The following ZCCHC7 variants were observed in gnomAD, a reference collection of about 807,000 sequenced individuals.
ZCCHC7 encodes the protein zinc finger CCHC-type containing 7, also known as zinc finger CCHC domain-containing protein 7.
Under a neutral mutation model 52.0 loss-of-function variants are expected in ZCCHC7, and 35 were observed. The ratio of observed to expected loss-of-function variants is 0.67; its 90% confidence interval spans 0.51 to 0.89. The LOEUF is 0.89. Among genes scored for constraint, ZCCHC7 ranks in the 40% least tolerant of loss-of-function variants. The pLI is 0.00. For synonymous variants in ZCCHC7, 217 were observed against 221.5 expected (o/e 0.98, Z 0.18); for missense variants, 574 against 649.1 (o/e 0.88, Z 1.26).
intron 2 of ZCCHC7, among the ~76,000 whole-genome samples, chr9:37,199,513 A>C (rs1442247086): frequency 6.6e-6 from 1 of 151,066 alleles, no homozygotes; most frequent in East Asian, 1.9e-4. Context: ...TTGTAATTTT[A>C]CTAGACACAG....
chr9:37,293,477 T>G (rs1428929631), intron 2 of ZCCHC7, among the ~76,000 whole-genome samples: 2 of 152,166 alleles, frequency 1.3e-5, no homozygotes, highest in Non-Finnish European at 2.9e-5. Flanking sequence ...AAAAGTAGCT[T>G]CTTGATTAGA....
intron 2 of ZCCHC7, among the ~76,000 whole-genome samples, chr9:37,146,681 C>T (rs758957378): frequency 1.3e-5 from 2 of 151,756 alleles, no homozygotes; most frequent in South Asian, 4.1e-4. Context: ...TTTTGCTGCT[C>T]AACATTTTCT....
chr9:37,298,102 A>G (rs190821320), intron 2 of ZCCHC7, among the ~76,000 whole-genome samples: 2 of 152,364 alleles, frequency 1.3e-5, no homozygotes, highest in Admixed American at 6.5e-5. Context: ...AGCATAATGG[A>G]CAGGGTTGCT....
rs532381846 is a variant in ZCCHC7 at position 37,225,439 on chromosome 9, A to AT, written c.611-76745dup. 6.6e-4 allele frequency among the ~76,000 whole-genome samples: 101 copies of AT among 152,282 alleles called. 1 individual carries two copies. Among genetic ancestry groups the AT allele is most frequent in the African/African-American group, 2.3e-3 (96 of 41,564 alleles). On this transcript the variant is annotated intron_variant, in intron 2 of 8. Transcript: ENST00000336755. Reference sequence around the variant, plus strand: ...TATATAAGGTAACACTTCCAAACTAATTTTATAAGATTTGTATTACTATTA... The same window carrying AT: ...TATATAAGGTAACACTTCCAAACTAATTTTTATAAGATTTGTATTACTATTA...
intron 2 of ZCCHC7, among the ~76,000 whole-genome samples, chr9:37,182,671 G>A (rs1410914829): frequency 6.6e-6 from 1 of 152,142 alleles, no homozygotes; most frequent in African/African-American, 2.4e-5. Flanking sequence ...TGGCCCAGTC[G>A]TAGTGATTTC....
intron 2 of ZCCHC7, among the ~76,000 whole-genome samples, chr9:37,278,079 C>T (rs1003805115): frequency 2.4e-5 from 2 of 83,320 alleles, no homozygotes; most frequent in South Asian, 7.7e-4. Flanking sequence ...GCAGGAGTCT[C>T]ACTGTGTCAC....
intron 5 of ZCCHC7, among the ~76,000 whole-genome samples, chr9:37,322,068 G>C (rs1019603547): frequency 6.6e-6 from 1 of 152,134 alleles, no homozygotes; most frequent in Non-Finnish European, 1.5e-5. Flanking sequence ...TGGGATATCT[G>C]AGTGAGCTGA....
chr9:37,210,452 A>T (rs1226266123), intron 2 of ZCCHC7, among the ~76,000 whole-genome samples: 1 of 152,122 alleles, frequency 6.6e-6, no homozygotes, highest in Non-Finnish European at 1.5e-5. Flanking sequence ...TATATTACTG[A>T]TCTTTTTCAT....
intron 2 of ZCCHC7, among the ~76,000 whole-genome samples, chr9:37,217,996 T>C (rs1463848928): frequency 1.3e-5 from 2 of 152,232 alleles, no homozygotes; most frequent in East Asian, 3.8e-4. Context: ...TGTCATTAAT[T>C]CTTTAGACTT....
chr9:37,350,782 C>A (rs1012783170), intron 7 of ZCCHC7, among the ~76,000 whole-genome samples: 5 of 152,256 alleles, frequency 3.3e-5, no homozygotes, highest in Admixed American at 3.3e-4. Flanking sequence ...AGAGCCCATA[C>A]TTCTGGGAAT....
rs149836345 is a variant in ZCCHC7, at chr9:37,344,254, G to C, written c.988-5103G>C. On this transcript the variant is annotated intron_variant, in intron 6 of 8. Transcript: ENST00000336755. ...CTTTTCAGAGAGCATTTATTATTTG[G>C]AGAGTGGATGATCCTTTTTATCATC... Among the ~76,000 whole-genome samples, 257 of 152,266 alleles carry C rather than the reference G, an allele frequency of 1.7e-3. 7 individuals are homozygous for C. In the East Asian group the frequency reaches 0.044, roughly 26 times the overall value.
intron 1 of ZCCHC7, among the ~76,000 whole-genome samples, chr9:37,122,253 G>A (rs1842348201): frequency 1.3e-5 from 2 of 152,214 alleles, no homozygotes; most frequent in South Asian, 2.1e-4. Context: ...GCCTTAAGTT[G>A]TCTAGTTTAA....
intron 5 of ZCCHC7, chr9:37,327,096 T>C (rs1830274527): frequency 1.3e-5 from 2 of 152,128 alleles, no homozygotes. Flanking sequence ...GTTTTTGTTG[T>C]TCCTGCTATT....
At chr9:37,206,381 A>G (rs1243804115) in intron 2 of ZCCHC7, among the ~76,000 whole-genome samples, 1 of 144,308 alleles carries the variant, frequency 6.9e-6, no homozygotes, top group Non-Finnish European at 1.5e-5. Context: ...TCGTTTTGGC[A>G]GGGTCTCCCT....
chr9:37,311,520 C>G (rs1201407299), intron 5 of ZCCHC7, among the ~76,000 whole-genome samples: 1 of 152,138 alleles, frequency 6.6e-6, no homozygotes, highest in Non-Finnish European at 1.5e-5. Flanking sequence ...TCGAGCAATT[C>G]TGCCTCAGCC....
chr9:37,351,390 T>C (rs114877535), intron 7 of ZCCHC7, among the ~76,000 whole-genome samples: 7,738 of 152,138 alleles, frequency 0.051, 644 homozygotes, highest in African/African-American at 0.17. Context: ...ACTGCAGCTT[T>C]GACCTCCCAG....
intron 6 of ZCCHC7, among the ~76,000 whole-genome samples, chr9:37,338,406 A>C (rs1031322417): frequency 6.6e-6 from 1 of 152,200 alleles, no homozygotes; most frequent in African/African-American, 2.4e-5. Flanking sequence ...AGATACAATG[A>C]TGTAATCCCT....
At chr9:37,141,696 C>T (rs761540826) in intron 2 of ZCCHC7, among the ~76,000 whole-genome samples, 1 of 151,750 alleles carries the variant, frequency 6.6e-6, no homozygotes, top group Non-Finnish European at 1.5e-5. Flanking sequence ...TAGTTGTTTA[C>T]AAGAAATCTG....
intron 2 of ZCCHC7, among the ~76,000 whole-genome samples, chr9:37,212,314 A>C (rs1040226838): frequency 1.3e-5 from 2 of 152,076 alleles, no homozygotes; most frequent in African/African-American, 4.8e-5. Context: ...CATACCTAAA[A>C]AAAAAATTTT....
Sources: allele counts gnomAD v4.1 joint callset (sites outside exome capture counted in the v4.1 genomes callset), GRCh38; gene constraint gnomAD v4.1.1; transcripts MANE v1.5; gene names NCBI Gene and HGNC (gene_info 2026-07-23, HGNC 2026-07-21).